Variants in TTLL5 observed in about 807,000 individuals in gnomAD.
TTLL5 encodes the protein tubulin tyrosine ligase like 5, also known as tubulin polyglutamylase TTLL5.
TTLL5 carries 132 observed loss-of-function variants against 168.4 expected under a neutral mutation model. The observed-to-expected ratio is 0.78, with a 90% CI of 0.68 to 0.91. The LOEUF is 0.91. TTLL5 is among the 40% of genes least tolerant of loss of function. The pLI is 0.00. For missense variants in TTLL5, 1,545 were observed against 1,581.5 expected (o/e 0.98, Z 0.39); for synonymous variants, 546 against 558.6 (o/e 0.98, Z 0.32).
chr14:75,717,899 T>G lies in TTLL5; in HGVS notation c.779T>G (p.Ile260Ser). Reference protein sequence around the residue: ...TVRYDQGAKNIRNQFMHLTNY... With the variant: ...TVRYDQGAKNSRNQFMHLTNY... ...CGATATGATCAAGGAGCCAAGAACA[T>G]TCGGAACCAGTTCATGCATCTGACA... is the stretch of plus-strand genomic sequence containing the variant. The change falls in exon 10 of 32, where the codon ATT becomes AGT. Residue 260 changes from isoleucine (I) to serine (S), a missense_variant. Physicochemically the swap from Ile to Ser is moderately radical, Grantham distance 142. Transcript: ENST00000298832. The G allele has an allele frequency of 6.2e-7, 1 of 1,613,882 alleles. No individual in the cohort carries two copies. The highest frequency in any genetic ancestry group is 8.5e-7 in the Non-Finnish European group (1 of 1,179,890).
At chr14:75,676,452 CCT>C (rs984476552) in intron 3 of TTLL5, among the ~76,000 whole-genome samples, 35 of 152,290 alleles carry the variant, frequency 2.3e-4, no homozygotes, top group African/African-American at 7.9e-4. Context: ...TAATTTGTAA[CCT>C]CTAGTCTAAA....
chr14:75,876,644 A>C (rs934955903), intron 29 of TTLL5, among the ~76,000 whole-genome samples: 2 of 152,228 alleles, frequency 1.3e-5, no homozygotes, highest in Non-Finnish European at 2.9e-5. Context: ...TTGGAGTCGT[A>C]GTACTGCCCA....
intron 31 of TTLL5, chr14:75,904,129 T>A (rs2033045674): frequency 7.9e-7 from 1 of 1,271,980 alleles, no homozygotes; most frequent in Non-Finnish European, 1.0e-6. Context: ...AGTATAAGGA[T>A]GTGTTCTCCA....
At chr14:75,848,429 G>A (rs1171005136) in intron 28 of TTLL5, among the ~76,000 whole-genome samples, 1 of 152,034 alleles carries the variant, frequency 6.6e-6, no homozygotes, top group African/African-American at 2.4e-5. Flanking sequence ...AGGTGATGGC[G>A]GTCCAGTTTT....
At chr14:75,900,546 G>C (rs1033322067) in intron 30 of TTLL5, among the ~76,000 whole-genome samples, 1 of 152,146 alleles carries the variant, frequency 6.6e-6, no homozygotes, top group South Asian at 2.1e-4. Flanking sequence ...CTGGAAAGCT[G>C]TGTGATTAAC....
rs779923820 is a variant in TTLL5, at chr14:75,792,938, T to G, written c.3009T>G (p.His1003Gln). The change falls in exon 27 of 32, where the codon CAT (histidine) becomes CAG (glutamine). Residue 1003 changes from histidine (H) to glutamine (Q), a missense_variant. Coordinates refer to ENST00000298832, the MANE Select transcript of TTLL5 (RefSeq NM_015072.5). Reference sequence around the variant, plus strand: ...CAGGATCGTGCTATCTAAACAAGCATCATTCAGGAATAGCCAAAACACAAA... The same window carrying G: ...CAGGATCGTGCTATCTAAACAAGCAGCATTCAGGAATAGCCAAAACACAAA... ...AKAGSCYLNK[H>Q]HSGIAKTQKE... is the part of the protein sequence containing the mutation. 2 of 1,609,818 alleles carry G rather than the reference T, an allele frequency of 1.2e-6. No homozygotes were observed. Among genetic ancestry groups the G allele is most frequent in the Middle Eastern group, 3.3e-4 (2 of 6,046 alleles).
At chr14:75,773,370 A>T (rs1022038479) in intron 21 of TTLL5, among the ~76,000 whole-genome samples, 3 of 152,234 alleles carry the variant, frequency 2.0e-5, no homozygotes, top group Non-Finnish European at 4.4e-5. Context: ...AGAACTATGA[A>T]ATTCAACCCT....
At position 75,762,275 on chromosome 14, in the gene TTLL5, G is replaced by A. The variant is rs983972887; in HGVS notation, c.1551-2340G>A. 6.6e-5 allele frequency among the ~76,000 whole-genome samples: 10 copies of A among 152,084 alleles called. No homozygotes were observed. In the East Asian group the frequency reaches 1.7e-3, roughly 27 times the overall value. On this transcript the variant is annotated intron_variant, in intron 18 of 31. Transcript: ENST00000298832. ...CCAGGCGTGGTGGCACATGCCTGTA[G>A]TCTCAGCTACCTGGGAGGCTGAGGC...
At chr14:75,666,605 C>T (rs1205312439) in intron 2 of TTLL5, among the ~76,000 whole-genome samples, 1 of 152,158 alleles carries the variant, frequency 6.6e-6, no homozygotes, top group Non-Finnish European at 1.5e-5. Context: ...TCGTAATGGG[C>T]TGAAGGAGCT....
intron 27 of TTLL5, among the ~76,000 whole-genome samples, chr14:75,805,877 T>C (rs1893624329): frequency 6.6e-6 from 1 of 152,168 alleles, no homozygotes; most frequent in Non-Finnish European, 1.5e-5. Context: ...TTCTACAGTG[T>C]CTCTGATACC....
chr14:75,940,549 A>C (rs1314767944), intron 31 of TTLL5, among the ~76,000 whole-genome samples: 1 of 152,148 alleles, frequency 6.6e-6, no homozygotes, highest in East Asian at 1.9e-4. Flanking sequence ...ACATCATAGA[A>C]TTAGATCCCA....
At chr14:75,764,908 A>G (rs775608975) in intron 19 of TTLL5, 136 bp downstream of exon 19, 1 of 1,015,456 alleles carries the variant, frequency 9.8e-7, no homozygotes, top group African/African-American at 1.6e-5. Context: ...TTTTTCTCTG[A>G]AACTTAATTT....
chr14:75,759,331 C>G (rs1890485825), intron 18 of TTLL5, among the ~76,000 whole-genome samples: 1 of 152,106 alleles, frequency 6.6e-6, no homozygotes, highest in Non-Finnish European at 1.5e-5. Flanking sequence ...CAAACTGATA[C>G]CAGCTGAAGT....
chr14:75,795,822 A>G (rs1185969010), intron 27 of TTLL5, among the ~76,000 whole-genome samples: 1 of 151,922 alleles, frequency 6.6e-6, no homozygotes, highest in Admixed American at 6.6e-5. Flanking sequence ...TTCTTTATCT[A>G]CTCATTGATT....
At chr14:75,893,263 A>C (rs1389032821) in intron 30 of TTLL5, among the ~76,000 whole-genome samples, 1 of 152,224 alleles carries the variant, frequency 6.6e-6, no homozygotes, top group Non-Finnish European at 1.5e-5. Flanking sequence ...AGAAGACATG[A>C]GTCCTCAGCT....
At position 75,928,962 on chromosome 14, in the gene TTLL5, C is replaced by T. The variant is rs191307984; in HGVS notation, c.3824-25462C>T. Among the ~76,000 whole-genome samples the T allele has an allele frequency of 2.3e-3, 350 of 152,228 alleles. 3 individuals are homozygous for T. Among genetic ancestry groups the T allele is most frequent in the African/African-American group, 7.6e-3 (315 of 41,542 alleles). On this transcript the variant is annotated intron_variant, in intron 31 of 31. Transcript: ENST00000298832. ...ATAAATCCATTTTTCTTTTAAGCAT[C>T]GTAAAGCATCCCAGGGAGCTCCTCC...
chr14:75,767,891 A>G (rs1373716437), intron 20 of TTLL5, among the ~76,000 whole-genome samples: 1 of 152,168 alleles, frequency 6.6e-6, no homozygotes, highest in African/African-American at 2.4e-5. Context: ...AAAATTTGCA[A>G]AGTAAAATTG....
intron 30 of TTLL5, among the ~76,000 whole-genome samples, chr14:75,889,497 C>G (rs138290637): frequency 2.0e-5 from 3 of 152,098 alleles, no homozygotes; most frequent in Non-Finnish European, 4.4e-5. Flanking sequence ...ATTATACATG[C>G]CTCATTCTCA....
chr14:75,822,947 T>A (rs1174157984), intron 28 of TTLL5, among the ~76,000 whole-genome samples: 1 of 152,136 alleles, frequency 6.6e-6, no homozygotes, highest in Admixed American at 6.5e-5. Context: ...CACTCTGGAG[T>A]TGGACTTGGC....
Sources: allele counts gnomAD v4.1 joint callset (sites outside exome capture counted in the v4.1 genomes callset), GRCh38; gene constraint gnomAD v4.1.1; transcripts MANE v1.5; gene names NCBI Gene and HGNC (gene_info 2026-07-23, HGNC 2026-07-21).